The following RBMS3 variants were observed in gnomAD, a reference collection of about 807,000 sequenced individuals.
RBMS3 encodes the protein RNA-binding motif, single-stranded-interacting protein 3.
Under a neutral mutation model 66.8 loss-of-function variants are expected in RBMS3, and 27 were observed. That is an observed-to-expected ratio of 0.40 (90% CI 0.30 to 0.56). RBMS3 has a LOEUF of 0.56. Among genes scored for constraint, RBMS3 ranks in the 20% least tolerant of loss-of-function variants. The pLI, the probability that RBMS3 is intolerant of heterozygous loss-of-function variation, is 0.40. For missense variants in RBMS3, 513 were observed against 549.5 expected (o/e 0.93, Z 0.66); for synonymous variants, 188 against 183.0 (o/e 1.03, Z -0.22).
At chr3:29,608,486 T>C (rs1312401675) in intron 4 of RBMS3, among the ~76,000 whole-genome samples, 5 of 152,054 alleles carry the variant, frequency 3.3e-5, no homozygotes, top group African/African-American at 1.2e-4. Context: ...ATTATACAAT[T>C]ACACAGAAAA....
chr3:29,589,563 T>C (rs1448946174), intron 4 of RBMS3, among the ~76,000 whole-genome samples: 3 of 152,112 alleles, frequency 2.0e-5, no homozygotes, highest in Non-Finnish European at 4.4e-5. Flanking sequence ...TTTAACTATC[T>C]ATAAGAAAAT....
chr3:29,662,062 C>T (rs2050574559), intron 4 of RBMS3, among the ~76,000 whole-genome samples: 2 of 152,258 alleles, frequency 1.3e-5, no homozygotes, highest in South Asian at 2.1e-4. Context: ...GATCTATGCA[C>T]ATTTTGTGAC....
At chr3:29,766,551 C>T (rs1418065081) in intron 6 of RBMS3, 1 of 151,914 alleles carries the variant, frequency 6.6e-6, no homozygotes, top group African/African-American at 2.4e-5. Flanking sequence ...TGGAAGAGAA[C>T]TTTACAGATA....
chr3:29,326,562 T>C (rs1376554841), intron 1 of RBMS3, among the ~76,000 whole-genome samples: 1 of 152,152 alleles, frequency 6.6e-6, no homozygotes, highest in African/African-American at 2.4e-5. Flanking sequence ...TTCCAGATAT[T>C]TGTTTATGTG....
intron 8 of RBMS3, among the ~76,000 whole-genome samples, chr3:29,892,809 A>T (rs11716844): frequency 0.018 from 2,003 of 114,242 alleles, 18 homozygotes; most frequent in Non-Finnish European, 0.025. Context: ...TGAAGTATGT[A>T]TGTATGTATG....
chr3:29,930,109 C>CTTTTTTTTTTTTT lies in RBMS3; in HGVS notation c.940-5969_940-5957dup, dbSNP rs775548425. Among the ~76,000 whole-genome samples the CTTTTTTTTTTTTT allele has an allele frequency of 3.6e-3, 158 of 43,570 alleles. 14 individuals are homozygous for CTTTTTTTTTTTTT. The highest frequency in any genetic ancestry group is 6.2e-3 in the East Asian group (8 of 1,286). The allele number at this position is 43,570 out of a possible 152,430, so 28.6% of individuals were successfully genotyped here. A position where few individuals can be genotyped will look rare whatever the true frequency, so the allele number is the denominator to read the frequency against. ...TACTTTGTGTCACTTTTCTTTCTTT[C>CTTTTTTTTTTTTT]TTTTTTTTTTTTTTTTTTTTGAGAT... is the stretch of plus-strand genomic sequence containing the variant. On this transcript the variant is annotated intron_variant, in intron 10 of 14. Coordinates refer to ENST00000383767, the MANE Select transcript of RBMS3 (RefSeq NM_001003793.3).
chr3:29,622,943 C>T (rs183598376), intron 4 of RBMS3, among the ~76,000 whole-genome samples: 1 of 151,918 alleles, frequency 6.6e-6, no homozygotes, highest in African/African-American at 2.4e-5. Context: ...GGTGAAACCC[C>T]GTCTCTACTA....
intron 3 of RBMS3, among the ~76,000 whole-genome samples, chr3:29,519,488 C>G (rs968614289): frequency 5.3e-5 from 8 of 152,240 alleles, no homozygotes; most frequent in African/African-American, 1.9e-4. Flanking sequence ...AGGTCACAAA[C>G]ATTTTGCTTT....
At chr3:29,985,277 C>T (rs557490164) in intron 12 of RBMS3, among the ~76,000 whole-genome samples, 3 of 152,180 alleles carry the variant, frequency 2.0e-5, no homozygotes, top group Non-Finnish European at 4.4e-5. Context: ...GCTGTGCTGG[C>T]AGCAAGAATT....
chr3:29,671,072 AGCAACATTTGCTGTTCT>A (rs1269401240), intron 4 of RBMS3, among the ~76,000 whole-genome samples: 1 of 152,200 alleles, frequency 6.6e-6, no homozygotes, highest in East Asian at 1.9e-4. Context: ...AGGATCAGAC[AGCAACATTTGCTGTTCT>A]GCAATATTTG....
At chr3:29,522,704 C>T (rs550758767) in intron 3 of RBMS3, among the ~76,000 whole-genome samples, 10 of 152,150 alleles carry the variant, frequency 6.6e-5, no homozygotes, top group Non-Finnish European at 1.0e-4. Flanking sequence ...TTGACTTCTC[C>T]TTTTCTTCAG....
intron 3 of RBMS3, among the ~76,000 whole-genome samples, chr3:29,513,518 C>G (rs188026149): frequency 1.7e-4 from 26 of 152,238 alleles, no homozygotes; most frequent in South Asian, 4.2e-4. Flanking sequence ...AAATTGCTTT[C>G]AGTTTAAAAA....
chr3:29,815,959 A>G (rs1559701063), intron 6 of RBMS3, among the ~76,000 whole-genome samples: 3 of 152,050 alleles, frequency 2.0e-5, no homozygotes, highest in Non-Finnish European at 1.5e-5. Flanking sequence ...AGGAAAAAAA[A>G]AAGAAGAGAG....
intron 1 of RBMS3, among the ~76,000 whole-genome samples, chr3:29,308,698 G>T (rs1393052894): frequency 1.4e-5 from 2 of 146,066 alleles, no homozygotes; most frequent in Middle Eastern, 3.4e-3. Context: ...GTCTGGAGTT[G>T]GAAATATATG....
chr3:29,540,315 T>C (rs552330061), intron 3 of RBMS3, among the ~76,000 whole-genome samples: 1 of 152,308 alleles, frequency 6.6e-6, no homozygotes, highest in African/African-American at 2.4e-5. Context: ...ATTTTTTATT[T>C]TTAAAATTTG....
At chr3:29,315,753 G>C (rs973915247) in intron 1 of RBMS3, among the ~76,000 whole-genome samples, 1 of 151,670 alleles carries the variant, frequency 6.6e-6, no homozygotes, top group African/African-American at 2.4e-5. Context: ...TTTGGTACAT[G>C]TATAGGGGCA....
chr3:29,937,509 A>G (rs1288880168), intron 11 of RBMS3, among the ~76,000 whole-genome samples: 3 of 152,032 alleles, frequency 2.0e-5, no homozygotes, highest in Non-Finnish European at 2.9e-5. Flanking sequence ...AAGAAAGTCA[A>G]TATAATTTAA....
chr3:29,904,290 G>A (rs923056856), intron 10 of RBMS3, among the ~76,000 whole-genome samples: 3 of 151,706 alleles, frequency 2.0e-5, no homozygotes, highest in Non-Finnish European at 2.9e-5. Flanking sequence ...TCTATTCTCC[G>A]GAAATACACA....
chr3:29,480,367 C>A (rs186080356), intron 2 of RBMS3, among the ~76,000 whole-genome samples: 1 of 152,074 alleles, frequency 6.6e-6, no homozygotes, highest in Admixed American at 6.5e-5. Flanking sequence ...ATTGTAGCAC[C>A]AAAACTCAAC....
Sources: gnomAD v4.1 joint callset for allele counts (sites outside exome capture counted in the v4.1 genomes callset) on GRCh38, gnomAD v4.1.1 for gene constraint, MANE v1.5 for transcripts, NCBI Gene and HGNC (gene_info 2026-07-23, HGNC 2026-07-21) for gene names.